The following UQCC5 variants were observed in gnomAD, a reference collection of about 807,000 sequenced individuals.
UQCC5 encodes the protein UPF0640 protein C3orf78.
At chr3:52,536,634 G>A in the UQCC5 span, 2 of 1,481,160 alleles carry the variant, frequency 1.4e-6, no homozygotes, top group Non-Finnish European at 9.0e-7. Flanking sequence ...AGTGGCGGAG[G>A]ACGGCGCTCG....
At chr3:52,541,489 A>T in the UQCC5 span, 1 of 152,190 alleles carries the variant, frequency 6.6e-6, no homozygotes, top group Non-Finnish European at 1.5e-5. Context: ...ATTTTAGTCC[A>T]CTTATCTTAG....
the UQCC5 span, among the ~76,000 whole-genome samples, chr3:52,537,337 A>C: frequency 6.6e-6 from 1 of 152,080 alleles, no homozygotes; most frequent in Non-Finnish European, 1.5e-5. Context: ...AATTACCACT[A>C]CCTTTACAGG....
the UQCC5 span, among the ~76,000 whole-genome samples, chr3:52,537,382 A>G: frequency 6.6e-6 from 1 of 152,250 alleles, no homozygotes; most frequent in Non-Finnish European, 1.5e-5. Context: ...GTCTGGGTCC[A>G]GATGATCAGC....
At chr3:52,540,448 CAGAA>C in the UQCC5 span, 11 of 1,531,436 alleles carry the variant, frequency 7.2e-6, no homozygotes, top group Non-Finnish European at 9.6e-6. Context: ...AGAAAAGCCT[CAGAA>C]AGACAGTATC....
chr3:52,537,912 C>G, the UQCC5 span, among the ~76,000 whole-genome samples: 6 of 152,080 alleles, frequency 3.9e-5, no homozygotes, highest in African/African-American at 7.2e-5. Context: ...GGTAGGAGCA[C>G]TTGTGTGAGA....
At chr3:52,540,449 A>C in the UQCC5 span, 1 of 1,532,322 alleles carries the variant, frequency 6.5e-7, no homozygotes, top group Non-Finnish European at 8.8e-7. Context: ...GAAAAGCCTC[A>C]GAAAGACAGT....
chr3:52,536,732 C>T, the UQCC5 span: 2 of 1,551,470 alleles, frequency 1.3e-6, no homozygotes, highest in Non-Finnish European at 1.7e-6. Context: ...TCCGTCATAT[C>T]CCTCTCCACG....
At chr3:52,537,123 C>G in the UQCC5 span, among the ~76,000 whole-genome samples, 1 of 152,194 alleles carries the variant, frequency 6.6e-6, no homozygotes, top group Non-Finnish European at 1.5e-5. Context: ...CACTTACAGG[C>G]GAGATCACGT....
chr3:52,539,143 C>A, the UQCC5 span, among the ~76,000 whole-genome samples: 1 of 151,944 alleles, frequency 6.6e-6, no homozygotes. Flanking sequence ...CTCAGTGGAC[C>A]CAGTTAGAGG....
the UQCC5 span, among the ~76,000 whole-genome samples, chr3:52,540,017 C>T: frequency 6.6e-5 from 10 of 152,316 alleles, no homozygotes; most frequent in African/African-American, 2.2e-4. Flanking sequence ...CTGATCTCCT[C>T]TCCCCACCTG....
chr3:52,536,607 T>A, the UQCC5 span: 1 of 1,454,576 alleles, frequency 6.9e-7, no homozygotes, highest in Middle Eastern at 2.5e-4. Context: ...GTTCCGGCAC[T>A]CGTGCGCCTA....
chr3:52,536,642 T>C, the UQCC5 span: 4 of 1,488,618 alleles, frequency 2.7e-6, no homozygotes, highest in African/African-American at 5.6e-5. Flanking sequence ...AGGACGGCGC[T>C]CGCTAGTCTC....
chr3:52,536,873 A>T, the UQCC5 span: 1 of 1,551,690 alleles, frequency 6.4e-7, no homozygotes, highest in South Asian at 1.2e-5. Flanking sequence ...GGAGTGGATC[A>T]TGATTAAAGT....
chr3:52,540,499 C>T, the UQCC5 span: 6 of 1,512,400 alleles, frequency 4.0e-6, no homozygotes, highest in Non-Finnish European at 5.3e-6. Context: ...TGAACTTCAG[C>T]AGTCAATAAA....
chr3:52,539,339 C>T, the UQCC5 span, among the ~76,000 whole-genome samples: 1 of 152,142 alleles, frequency 6.6e-6, no homozygotes, highest in East Asian at 1.9e-4. Flanking sequence ...AAGACGGGGC[C>T]AAGGACCTGG....
At chr3:52,540,690 T>C in the UQCC5 span, 1 of 453,400 alleles carries the variant, frequency 2.2e-6, no homozygotes, top group South Asian at 4.2e-5. Context: ...ACAGCACTTG[T>C]GGGAAAATTA....
At chr3:52,541,338 C>T in the UQCC5 span, 1 of 152,148 alleles carries the variant, frequency 6.6e-6, no homozygotes. Flanking sequence ...AAAAAAAAAT[C>T]TACATACTAA....
At chr3:52,540,284 G>C in the UQCC5 span, 3 of 627,458 alleles carry the variant, frequency 4.8e-6, no homozygotes, top group Non-Finnish European at 8.0e-6. Flanking sequence ...TTTGTTTTAA[G>C]TTTATTTTGG....
the UQCC5 span, among the ~76,000 whole-genome samples, chr3:52,538,939 G>A: frequency 6.6e-6 from 1 of 152,182 alleles, no homozygotes; most frequent in Non-Finnish European, 1.5e-5. Flanking sequence ...GAAGGAGAGG[G>A]TGGAGAGAGG....
Sources: gnomAD v4.1 joint callset for allele counts (sites outside exome capture counted in the v4.1 genomes callset) on GRCh38, gnomAD v4.1.1 for gene constraint, MANE v1.5 for transcripts, NCBI Gene and HGNC (gene_info 2026-07-23, HGNC 2026-07-21) for gene names.